CEP350: variants seen among roughly 807,000 people sequenced by gnomAD.
CEP350 encodes the protein centrosomal protein 350.
In CEP350, 126 loss-of-function variants were observed where a neutral mutation model predicts 331.8. That is an observed-to-expected ratio of 0.38 (90% CI 0.33 to 0.44). The LOEUF (loss-of-function observed/expected upper bound fraction) is 0.44, where lower values mean the gene tolerates loss of function less well. Among genes scored for constraint, CEP350 ranks in the 20% least tolerant of loss-of-function variants. The probability of loss-of-function intolerance (pLI) is 1.00; values close to 1 mark genes in which losing one functional copy is unlikely to be tolerated. For missense variants in CEP350, 3,406 were observed against 3,634.6 expected (o/e 0.94, Z 1.62); for synonymous variants, 1,200 against 1,259.5 (o/e 0.95, Z 1.00).
chr1:180,055,712 A>AT (rs1657790854), intron 25 of CEP350, among the ~76,000 whole-genome samples: 1 of 151,408 alleles, frequency 6.6e-6, no homozygotes, highest in Non-Finnish European at 1.5e-5. Flanking sequence ...CGCCTGGCTA[A>AT]TTTTTTTGTA....
chr1:180,058,058 T>G (rs936754564), intron 25 of CEP350, among the ~76,000 whole-genome samples: 8 of 152,186 alleles, frequency 5.3e-5, no homozygotes, highest in African/African-American at 1.7e-4. Flanking sequence ...TGAGAGCAAT[T>G]GCCACTACCT....
chr1:179,999,919 A>G (rs1309558940), intron 6 of CEP350, among the ~76,000 whole-genome samples: 1 of 152,132 alleles, frequency 6.6e-6, no homozygotes, highest in Admixed American at 6.5e-5. Flanking sequence ...TGTTTATATG[A>G]TTCTTTCTTG....
intron 28 of CEP350, among the ~76,000 whole-genome samples, chr1:180,078,257 TAAC>T (rs1659357601): frequency 6.6e-6 from 1 of 152,162 alleles, no homozygotes; most frequent in Admixed American, 6.5e-5. Context: ...ATTAAAATAA[TAAC>T]ATTTGCACAG....
At chr1:180,106,525 CTTTAAATACAGTGCTCAGAGTTAG>C (rs1449821849) in intron 37 of CEP350, among the ~76,000 whole-genome samples, 1 of 152,118 alleles carries the variant, frequency 6.6e-6, no homozygotes, top group African/African-American at 2.4e-5. Context: ...CAGTGTCCCT[CTTTAAATACAGTGCTCAGAGTTAG>C]CCTTATAATG....
Position 180,093,968 on chromosome 1 carries a change from T to C in CEP350, c.7863T>C (p.Asn2621=), listed in dbSNP as rs886316633. The C allele has an allele frequency of 3.7e-6, 6 of 1,613,850 alleles. No homozygotes were observed. Among genetic ancestry groups the C allele is most frequent in the Admixed American group, 1.7e-5 (1 of 60,006 alleles). ...YFYEKSLPSV[N]DIEASVNRSR... is the part of the protein sequence containing the mutation. ...ATGAGAAATCCCTACCTAGTGTGAATGATATAGAAGCCTCAGTTAATAGAA... is the reference window on the plus strand; with the variant it reads ...ATGAGAAATCCCTACCTAGTGTGAACGATATAGAAGCCTCAGTTAATAGAA... Residue 2621 remains asparagine, a synonymous_variant, in exon 34 of 38, where the codon AAT becomes AAC. Coordinates refer to ENST00000367607, the MANE Select transcript of CEP350 (RefSeq NM_014810.5).
intron 37 of CEP350, among the ~76,000 whole-genome samples, chr1:180,102,272 A>G (rs1660868438): frequency 6.6e-6 from 1 of 151,548 alleles, no homozygotes; most frequent in African/African-American, 2.4e-5. Context: ...AGTAGCTGGG[A>G]TTAGAGGCGC....
intron 22 of CEP350, among the ~76,000 whole-genome samples, chr1:180,050,673 C>CAAAAAAAAAAA (rs4058356): frequency 3.6e-5 from 3 of 83,986 alleles, no homozygotes; most frequent in South Asian, 3.6e-4. Context: ...CCAAAAAAAC[C>CAAAAAAAAAAA]AAAAAAAAAA....
At chr1:180,035,475 TA>T (rs1441824866) in intron 16 of CEP350, among the ~76,000 whole-genome samples, 7 of 152,352 alleles carry the variant, frequency 4.6e-5, no homozygotes, top group Admixed American at 4.6e-4. Flanking sequence ...ATTTAGGGGT[TA>T]ATACAGCTGA....
At chr1:180,031,253 A>G (rs1656002272) in intron 14 of CEP350, 67 bp from the exon 15 acceptor site, 1 of 882,708 alleles carries the variant, frequency 1.1e-6, no homozygotes, top group South Asian at 1.6e-5. Context: ...TGAAATCTAT[A>G]TATCAATTAT....
chr1:180,019,202 T>G (rs760924094), intron 11 of CEP350, among the ~76,000 whole-genome samples: 1 of 152,194 alleles, frequency 6.6e-6, no homozygotes, highest in Non-Finnish European at 1.5e-5. Context: ...TCCTGTAATC[T>G]CTCTGTAGTA....
chr1:179,983,751 G>A (rs1652453295), intron 1 of CEP350, among the ~76,000 whole-genome samples: 1 of 152,108 alleles, frequency 6.6e-6, no homozygotes, highest in South Asian at 2.1e-4. Flanking sequence ...ACTAAGTGGA[G>A]AAAATAATGT....
intron 1 of CEP350, among the ~76,000 whole-genome samples, chr1:179,970,636 A>AT (rs538917421): frequency 1.3e-4 from 20 of 152,010 alleles, no homozygotes; most frequent in African/African-American, 4.6e-4. Context: ...GAATGAAGTC[A>AT]TTTTTTTCAT....
chr1:179,954,885 C>A lies in CEP350; in HGVS notation c.-271C>A. 1 of 512,244 alleles carries A rather than the reference C, an allele frequency of 2.0e-6. No individual in the cohort carries two copies. Among genetic ancestry groups the A allele is most frequent in the Non-Finnish European group, 3.2e-6 (1 of 315,898 alleles). 31.7% of individuals were successfully genotyped at this position (512,244 alleles called of 1,614,324 possible). On this transcript the variant is annotated 5_prime_UTR_variant, in exon 1 of 38. Transcript: ENST00000367607. ...GGGCCGGGGAGCGGGGCCAGACCTG[C>A]GCCAGAGAGAACTGCAGGGAGCCGC... is the stretch of plus-strand genomic sequence containing the variant.
At chr1:180,066,348 T>C (rs1022735896) in intron 27 of CEP350, among the ~76,000 whole-genome samples, 1 of 152,218 alleles carries the variant, frequency 6.6e-6, no homozygotes, top group Non-Finnish European at 1.5e-5. Context: ...CTGACTACCA[T>C]TTTAAATTCG....
chr1:180,020,573 A>G lies in CEP350; in HGVS notation c.2799A>G (p.Ser933=), dbSNP rs1294094924. 1 of 1,614,016 alleles carries G rather than the reference A, an allele frequency of 6.2e-7. No individual in the cohort carries two copies. Among genetic ancestry groups the G allele is most frequent in the Admixed American group, 1.7e-5 (1 of 60,034 alleles). Residue 933 remains serine, a synonymous_variant, in exon 12 of 38, where the codon TCA becomes TCG. Transcript: ENST00000367607. ...PEMIRPQSAI[S]SFRVRSPGPK... Reference sequence around the variant, plus strand: ...TGATAAGACCACAGAGTGCCATATCAAGCTTTAGAGTGAGATCCCCTGGTC... The same window carrying G: ...TGATAAGACCACAGAGTGCCATATCGAGCTTTAGAGTGAGATCCCCTGGTC...
intron 28 of CEP350, among the ~76,000 whole-genome samples, chr1:180,077,911 A>G (rs1571965690): frequency 1.3e-5 from 2 of 152,078 alleles, no homozygotes; most frequent in Admixed American, 1.3e-4. Context: ...AGGCGGGTGG[A>G]TCACCTGAGG....
intron 34 of CEP350, 57 bp downstream of exon 34, chr1:180,094,673 A>G (rs1660378389): frequency 5.2e-6 from 8 of 1,536,440 alleles, no homozygotes; most frequent in Non-Finnish European, 7.0e-6. Context: ...TTAACAAGGC[A>G]ACTTACCTTG....
chr1:180,099,026 C>A, intron 37 of CEP350, 41 bp downstream of exon 37: 1 of 1,576,382 alleles, frequency 6.3e-7, no homozygotes, highest in Non-Finnish European at 8.6e-7. Context: ...TTGACCATAT[C>A]TTTTAAACTC....
chr1:180,090,612 T>G, intron 32 of CEP350, 102 bp from the exon 33 acceptor site: 1 of 724,862 alleles, frequency 1.4e-6, no homozygotes, highest in African/African-American at 2.0e-5. Context: ...ACATACCTAC[T>G]GTAGAGAAGA....
Sources: allele counts gnomAD v4.1 joint callset (sites outside exome capture counted in the v4.1 genomes callset), GRCh38; gene constraint gnomAD v4.1.1; transcripts MANE v1.5; gene names NCBI Gene and HGNC (gene_info 2026-07-23, HGNC 2026-07-21).